Variants in LYZL4 observed in about 807,000 individuals in gnomAD.
LYZL4 encodes the protein lysozyme-like protein 4.
LYZL4 carries 13 observed loss-of-function variants against 17.6 expected under a neutral mutation model. The observed-to-expected ratio is 0.74, with a 90% CI of 0.48 to 1.18. The LOEUF (loss-of-function observed/expected upper bound fraction) is 1.18, where lower values mean the gene tolerates loss of function less well. Ranked by LOEUF, LYZL4 falls within the 50% of genes most tolerant of loss-of-function variation. The pLI is 0.00. For synonymous variants in LYZL4, 64 were observed against 67.7 expected, an observed-to-expected ratio of 0.95 and a Z score of 0.27; for missense variants, 174 against 188.2, an observed-to-expected ratio of 0.92 and a Z score of 0.44.
intron 3 of LYZL4, 94 bp from the exon 4 acceptor site, chr3:42,404,218 G>T: frequency 1.5e-6 from 1 of 675,836 alleles, no homozygotes; most frequent in Non-Finnish European, 2.5e-6. Context: ...ACATCAGAGA[G>T]TCTTCCAGTG....
chr3:42,386,857 G>A, the LYZL4 span, among the ~76,000 whole-genome samples: 1 of 152,140 alleles, frequency 6.6e-6, no homozygotes, highest in East Asian at 1.9e-4. Flanking sequence ...TTATATTGAA[G>A]GAATGAGTAG....
rs371710827 is a variant in LYZL4, at chr3:42,407,010, C to G, written c.140-12G>C. On this transcript the variant is annotated splice_polypyrimidine_tract_variant and intron_variant, in intron 2 of 4. Coordinates refer to ENST00000287748, the MANE Select transcript of LYZL4 (RefSeq NM_144634.4). ...GGCCAGGCACACCCCTAAGATGGAACAGAAGGTGTGTGACTCTGAGGACAG... is the reference window on the plus strand; with the variant it reads ...GGCCAGGCACACCCCTAAGATGGAAGAGAAGGTGTGTGACTCTGAGGACAG... 3 of 1,614,030 alleles carry G rather than the reference C, an allele frequency of 1.9e-6. No homozygotes were observed. The African/African-American group carries it at 4.0e-5, about 22-fold the overall frequency.
the LYZL4 span, among the ~76,000 whole-genome samples, chr3:42,387,174 C>A: frequency 2.6e-5 from 4 of 152,242 alleles, no homozygotes; most frequent in African/African-American, 7.2e-5. Context: ...AGCAATCCCT[C>A]GTGCATTGCT....
At chr3:42,386,402 C>T in the LYZL4 span, among the ~76,000 whole-genome samples, 14 of 61,984 alleles carry the variant, frequency 2.3e-4, 1 homozygote, top group Admixed American at 4.7e-4. Context: ...CACGCCCCCC[C>T]CCCCCCCCCC....
chr3:42,377,669 C>G, the LYZL4 span, among the ~76,000 whole-genome samples: 11 of 101,508 alleles, frequency 1.1e-4, no homozygotes, highest in South Asian at 8.3e-4. Context: ...GTGTGTGTGT[C>G]ACTAATGCAG....
At chr3:42,391,187 G>A in the LYZL4 span, among the ~76,000 whole-genome samples, 1 of 152,200 alleles carries the variant, frequency 6.6e-6, no homozygotes, top group African/African-American at 2.4e-5. Context: ...TGTATGTACA[G>A]ATGTCTATTC....
intron 1 of LYZL4, among the ~76,000 whole-genome samples, chr3:42,408,647 C>T (rs2125604097): frequency 6.6e-6 from 1 of 152,294 alleles, no homozygotes; most frequent in African/African-American, 2.4e-5. Flanking sequence ...ACTCATCTTC[C>T]TCCTGGAATA....
At chr3:42,366,326 C>T in the LYZL4 span, among the ~76,000 whole-genome samples, 1 of 152,162 alleles carries the variant, frequency 6.6e-6, no homozygotes, top group Admixed American at 6.5e-5. Context: ...CTGCCCATTG[C>T]CAGAACACGG....
chr3:42,373,203 C>T, the LYZL4 span, among the ~76,000 whole-genome samples: 2 of 152,118 alleles, frequency 1.3e-5, no homozygotes, highest in Non-Finnish European at 2.9e-5. Flanking sequence ...AAGCAAAACT[C>T]TGTCTCAAAA....
chr3:42,387,587 T>C, the LYZL4 span, among the ~76,000 whole-genome samples: 1 of 151,946 alleles, frequency 6.6e-6, no homozygotes, highest in Non-Finnish European at 1.5e-5. Flanking sequence ...CTCATCGCCG[T>C]CCCTGCTCCA....
At chr3:42,397,387 C>T in intron 4 of LYZL4, 53 bp from the exon 5 acceptor site, 1 of 1,315,854 alleles carries the variant, frequency 7.6e-7, no homozygotes, top group Non-Finnish European at 1.1e-6. Flanking sequence ...CTCAGGGTCT[C>T]CAGGGCTTCA....
chr3:42,376,375 C>T, the LYZL4 span, among the ~76,000 whole-genome samples: 1 of 152,144 alleles, frequency 6.6e-6, no homozygotes, highest in African/African-American at 2.4e-5. Flanking sequence ...ACATCAATAG[C>T]CCTTCATTGC....
the LYZL4 span, among the ~76,000 whole-genome samples, chr3:42,387,142 C>A: frequency 2.0e-5 from 3 of 152,074 alleles, no homozygotes. Context: ...ACATACTGTG[C>A]AATATTTCAT....
the LYZL4 span, among the ~76,000 whole-genome samples, chr3:42,389,756 T>C: frequency 3.3e-5 from 5 of 152,120 alleles, no homozygotes; most frequent in Non-Finnish European, 4.4e-5. Flanking sequence ...ACAGAAGTAA[T>C]ATTGGTCTCA....
the LYZL4 span, among the ~76,000 whole-genome samples, chr3:42,375,294 C>T: frequency 2.0e-5 from 3 of 152,202 alleles, no homozygotes; most frequent in East Asian, 1.9e-4. Context: ...TCGATCTAAC[C>T]GTTGTTATTG....
intron 4 of LYZL4, among the ~76,000 whole-genome samples, chr3:42,400,869 G>A (rs1698640382): frequency 6.6e-6 from 1 of 152,140 alleles, no homozygotes; most frequent in Non-Finnish European, 1.5e-5. Context: ...CAGCGTGGAT[G>A]GAGATGGTAG....
downstream of LYZL4, among the ~76,000 whole-genome samples, chr3:42,393,240 G>T (rs6799993): frequency 0.021 from 3,153 of 152,246 alleles, 104 homozygotes; most frequent in African/African-American, 0.071. Context: ...GTGGAAAGCA[G>T]TGTCCTGAGT....
At chr3:42,379,131 A>C in the LYZL4 span, among the ~76,000 whole-genome samples, 2 of 152,312 alleles carry the variant, frequency 1.3e-5, no homozygotes, top group Middle Eastern at 3.4e-3. Context: ...GTGATTTGGC[A>C]GGGCTCAGCA....
intron 4 of LYZL4, among the ~76,000 whole-genome samples, chr3:42,399,523 G>A (rs914450234): frequency 2.0e-5 from 3 of 152,134 alleles, no homozygotes; most frequent in Non-Finnish European, 4.4e-5. Context: ...AGACCTTTAA[G>A]TAGTGATAAT....
Sources: allele counts gnomAD v4.1 joint callset (sites outside exome capture counted in the v4.1 genomes callset), GRCh38; gene constraint gnomAD v4.1.1; transcripts MANE v1.5; gene names NCBI Gene and HGNC (gene_info 2026-07-23, HGNC 2026-07-21).